Variants in CNPY1 observed in about 807,000 individuals in gnomAD.
CNPY1 encodes the protein protein canopy homolog 1.
Under a neutral mutation model 14.4 loss-of-function variants are expected in CNPY1, and 14 were observed. That is an observed-to-expected ratio of 0.97 (90% CI 0.64 to 1.52). CNPY1 has a LOEUF of 1.52. Among genes scored for constraint, CNPY1 ranks in the 40% most tolerant of loss-of-function variants. The pLI is 0.00. For synonymous variants in CNPY1, 43 were observed against 46.5 expected, an observed-to-expected ratio of 0.92 and a Z score of 0.31; for missense variants, 129 against 131.5, an observed-to-expected ratio of 0.98 and a Z score of 0.09.
chr7:155,524,501 G>A (rs141063799), intron 2 of CNPY1, among the ~76,000 whole-genome samples: 41 of 152,232 alleles, frequency 2.7e-4, no homozygotes, highest in Non-Finnish European at 3.1e-4. Context: ...GATCAGCAGC[G>A]GCATTAGATT....
intron 2 of CNPY1, among the ~76,000 whole-genome samples, chr7:155,528,971 G>A (rs529780222): frequency 6.6e-6 from 1 of 151,998 alleles, no homozygotes; most frequent in Non-Finnish European, 1.5e-5. Context: ...TGAGGCAGGA[G>A]AATGGCGTGA....
intron 2 of CNPY1, among the ~76,000 whole-genome samples, chr7:155,541,409 C>T (rs1470201017): frequency 1.3e-5 from 2 of 152,228 alleles, no homozygotes; most frequent in Non-Finnish European, 2.9e-5. Context: ...TAAACAGCTG[C>T]CCCTTCCATC....
chr7:155,528,580 C>T (rs1216939650), intron 2 of CNPY1, among the ~76,000 whole-genome samples: 1 of 152,210 alleles, frequency 6.6e-6, no homozygotes, highest in Non-Finnish European at 1.5e-5. Context: ...GTCAGCTGGA[C>T]CCCTGTCCCC....
chr7:155,516,502 A>G (rs1278868459), intron 2 of CNPY1, among the ~76,000 whole-genome samples: 1 of 152,138 alleles, frequency 6.6e-6, no homozygotes, highest in East Asian at 1.9e-4. Context: ...CGGGGACCTC[A>G]ATAGGAACTC....
Position 155,506,816 on chromosome 7 carries a change from G to A in CNPY1, c.400+204C>T, listed in dbSNP as rs1796328365. ...ATATAGAGGAAAGAAAGTACAAAGAGGAAGGCCACACAGCCCTGTGGTTTC... is the reference window on the plus strand; with the variant it reads ...ATATAGAGGAAAGAAAGTACAAAGAAGAAGGCCACACAGCCCTGTGGTTTC... On this transcript the variant is annotated intron_variant, in intron 4 of 4. Coordinates refer to ENST00000636446, the MANE Select transcript of CNPY1 (RefSeq NM_001393663.1). 6 of 562,132 alleles carry A rather than the reference G, an allele frequency of 1.1e-5. No individual in the cohort carries two copies. In the South Asian group the frequency reaches 1.3e-4, roughly 12 times the overall value. 34.8% of individuals were successfully genotyped at this position (562,132 alleles called of 1,614,324 possible).
At chr7:155,504,650 G>A (rs1796234764) in intron 4 of CNPY1, among the ~76,000 whole-genome samples, 1 of 150,340 alleles carries the variant, frequency 6.7e-6, no homozygotes, top group Non-Finnish European at 1.5e-5. Context: ...TATACACTCA[G>A]TAAAGAGTTA....
chr7:155,538,030 A>T (rs1797043455), intron 2 of CNPY1, among the ~76,000 whole-genome samples: 1 of 152,212 alleles, frequency 6.6e-6, no homozygotes, highest in Non-Finnish European at 1.5e-5. Flanking sequence ...ACAGACACAG[A>T]CACGTAAGAG....
chr7:155,503,983 C>T (rs554230328), intron 4 of CNPY1, among the ~76,000 whole-genome samples: 54 of 152,276 alleles, frequency 3.5e-4, no homozygotes, highest in African/African-American at 1.2e-3. Context: ...AGATTTTAAT[C>T]ATTTTGACTC....
rs1797150968 is a variant in CNPY1, at chr7:155,545,856, G to C, written c.74C>G (p.Pro25Arg). 2.5e-6 allele frequency: 1 copy of C among 398,558 alleles called. No homozygotes were observed. Among genetic ancestry groups the C allele is most frequent in the African/African-American group, 2.1e-5 (1 of 48,650 alleles). The allele number at this position is 398,558 out of a possible 1,614,324, so 24.7% of individuals were successfully genotyped here. A position where few individuals can be genotyped will look rare whatever the true frequency, so the allele number is the denominator to read the frequency against. ...CTTTCTCCTCTCCTGAGTCCCATCG[G>C]GATTGATTCGGAAGGATCCCACCTT... ...KTKVGSFRINPDGTQERRKIP... is the reference protein window; with the variant it reads ...KTKVGSFRINRDGTQERRKIP... Residue 25 changes from proline to arginine, a missense_variant, in exon 2 of 5, where the codon CCC becomes CGC. Coordinates refer to ENST00000636446, the MANE Select transcript of CNPY1 (RefSeq NM_001393663.1).
rs1006804367 is a variant in CNPY1, at chr7:155,502,885, A to G, written c.*183T>C. 5.5e-6 allele frequency: 3 copies of G among 547,850 alleles called. No homozygotes were observed. The highest frequency in any genetic ancestry group is 2.8e-5 in the East Asian group (1 of 35,632). The allele number at this position is 547,850 out of a possible 1,614,324, so 33.9% of individuals were successfully genotyped here. A position where few individuals can be genotyped will look rare whatever the true frequency, so the allele number is the denominator to read the frequency against. ...TACTCCTCAGCTTCACCTATAAAAA[A>G]ACGCAGGGTTTGTCATGATGTCAAC... is the stretch of plus-strand genomic sequence containing the variant. On this transcript the variant is annotated 3_prime_UTR_variant, in exon 5 of 5. Transcript: ENST00000636446.
At chr7:155,537,424 CTT>C (rs557551511) in intron 2 of CNPY1, among the ~76,000 whole-genome samples, 88 of 137,714 alleles carry the variant, frequency 6.4e-4, no homozygotes, top group Middle Eastern at 3.8e-3. Flanking sequence ...TTTTTCTTTT[CTT>C]TTTTTTTTTT....
intron 2 of CNPY1, among the ~76,000 whole-genome samples, chr7:155,532,890 T>C (rs1157514839): frequency 6.6e-6 from 1 of 152,112 alleles, no homozygotes; most frequent in Non-Finnish European, 1.5e-5. Context: ...TGGGAGTCCC[T>C]GGGAACCATG....
chr7:155,507,136 A>T lies in CNPY1; in HGVS notation c.304-20T>A. On this transcript the variant is annotated intron_variant, in intron 3 of 4. Transcript: ENST00000636446. Reference sequence around the variant, plus strand: ...TTCACACTGTAGAAACATAATAACAACATATGTGGATAGACGCACACTGGC... The same window carrying T: ...TTCACACTGTAGAAACATAATAACATCATATGTGGATAGACGCACACTGGC... 6.8e-7 allele frequency: 1 copy of T among 1,460,626 alleles called. No individual in the cohort carries two copies. The allele number at this position is 1,460,626 out of a possible 1,614,324, so 90.5% of individuals were successfully genotyped here.
At chr7:155,513,411 A>G (rs1796563105) in intron 2 of CNPY1, among the ~76,000 whole-genome samples, 1 of 152,206 alleles carries the variant, frequency 6.6e-6, no homozygotes, top group African/African-American at 2.4e-5. Flanking sequence ...TGGTGTCCAT[A>G]AGACCTTGGG....
At position 155,516,704 on chromosome 7, in the gene CNPY1, GA is replaced by G. The variant is rs558248274; in HGVS notation, c.100-7608del. Among the ~76,000 whole-genome samples, 16 of 152,294 alleles carry G rather than the reference GA, an allele frequency of 1.1e-4. No individual in the cohort carries two copies. In the South Asian group the frequency reaches 3.3e-3, roughly 32 times the overall value. Reference sequence around the variant, plus strand: ...CGGGAAGCTGGTGATGGCCCAGCAGGAGTCTACTTCTTACAGTCACAATGCC... The same window carrying G: ...CGGGAAGCTGGTGATGGCCCAGCAGGGTCTACTTCTTACAGTCACAATGCC... On this transcript the variant is annotated intron_variant, in intron 2 of 4. Coordinates refer to ENST00000636446, the MANE Select transcript of CNPY1 (RefSeq NM_001393663.1).
At chr7:155,534,338 GAGGCACACATGCACACACGTGCACAC>G (rs746593178) in intron 2 of CNPY1, among the ~76,000 whole-genome samples, 12 of 78,918 alleles carry the variant, frequency 1.5e-4, no homozygotes, top group Admixed American at 3.7e-4. Flanking sequence ...CACGTGCACA[GAGGCACACATGCACACACGTGCACAC>G]AGGCACACAC....
At chr7:155,533,596 G>T (rs144448713) in intron 2 of CNPY1, among the ~76,000 whole-genome samples, 1 of 152,172 alleles carries the variant, frequency 6.6e-6, no homozygotes, top group Non-Finnish European at 1.5e-5. Flanking sequence ...GTCCCGGTCC[G>T]GCGTGAAACC....
At chr7:155,537,854 A>G (rs1350920265) in intron 2 of CNPY1, among the ~76,000 whole-genome samples, 1 of 152,232 alleles carries the variant, frequency 6.6e-6, no homozygotes, top group Non-Finnish European at 1.5e-5. Flanking sequence ...TCTAAAAAAA[A>G]ACCTTCAAAA....
chr7:155,546,398 G>A, intron 1 of CNPY1, 31 bp downstream of exon 1: 3 of 397,800 alleles, frequency 7.5e-6, no homozygotes, highest in Non-Finnish European at 1.3e-5. Flanking sequence ...ATGTTGCCCA[G>A]GTAGGTCTTG....
Sources: allele counts gnomAD v4.1 joint callset (sites outside exome capture counted in the v4.1 genomes callset), GRCh38; gene constraint gnomAD v4.1.1; transcripts MANE v1.5; gene names NCBI Gene and HGNC (gene_info 2026-07-23, HGNC 2026-07-21).